The following PBX3 variants were observed in gnomAD, a reference collection of about 807,000 sequenced individuals.
PBX3 encodes pre-B-cell leukemia transcription factor 3.
Under a neutral mutation model 48.5 loss-of-function variants are expected in PBX3, and 14 were observed. The ratio of observed to expected loss-of-function variants is 0.29; its 90% CI spans 0.19 to 0.45. The LOEUF (loss-of-function observed/expected upper bound fraction) is 0.45. Ranked by LOEUF, PBX3 falls within the 20% of genes least tolerant of loss-of-function variation. PBX3 has a pLI of 1.00. For missense variants in PBX3, 386 were observed against 546.7 expected, an observed-to-expected ratio of 0.71 and a Z score of 2.93; for synonymous variants, 210 against 200.3, an observed-to-expected ratio of 1.05 and a Z score of -0.41.
At chr9:125,906,760 T>C (rs926705137) in intron 2 of PBX3, among the ~76,000 whole-genome samples, 1 of 152,042 alleles carries the variant, frequency 6.6e-6, no homozygotes, top group Non-Finnish European at 1.5e-5. Flanking sequence ...TATAGATATA[T>C]ATCATCATAT....
chr9:125,933,507 C>T (rs752561677), intron 4 of PBX3, among the ~76,000 whole-genome samples: 7 of 152,182 alleles, frequency 4.6e-5, no homozygotes, highest in Admixed American at 4.6e-4. Flanking sequence ...ATCCTCCTTT[C>T]ATACGTCGCT....
chr9:125,894,760 T>C (rs1298753549), intron 2 of PBX3, among the ~76,000 whole-genome samples: 1 of 152,098 alleles, frequency 6.6e-6, no homozygotes, highest in Non-Finnish European at 1.5e-5. Flanking sequence ...TCTGTCTTCT[T>C]ATAGTGTGCT....
At position 125,858,840 on chromosome 9, in the gene PBX3, G is replaced by T. The variant is rs188028347; in HGVS notation, c.275-56846G>T. On this transcript the variant is annotated intron_variant, in intron 2 of 8. Transcript: ENST00000373489. ...AGGGTTTCACCACGTTAGCCAGGCT[G>T]GTCTTGAACTCCGGATGTCAGGCAA... Among the ~76,000 whole-genome samples the T allele has an allele frequency of 6.0e-3, 914 of 152,156 alleles. 6 individuals are homozygous for T. The highest frequency in any genetic ancestry group is 0.017 in the Middle Eastern group (5 of 294).
chr9:125,927,105 C>T (rs1841594707), intron 3 of PBX3, among the ~76,000 whole-genome samples: 1 of 152,154 alleles, frequency 6.6e-6, no homozygotes. Flanking sequence ...TAAACCTATC[C>T]ATTGACTGCA....
intron 2 of PBX3, among the ~76,000 whole-genome samples, chr9:125,804,095 G>T (rs1170509936): frequency 1.3e-5 from 2 of 152,202 alleles, no homozygotes; most frequent in Non-Finnish European, 2.9e-5. Context: ...CATGTCAGTA[G>T]CCTACTCTCA....
chr9:125,937,001 C>T (rs1020608048), intron 5 of PBX3, among the ~76,000 whole-genome samples: 11 of 152,120 alleles, frequency 7.2e-5, no homozygotes, highest in Non-Finnish European at 1.5e-5. Flanking sequence ...TAGGTTCATG[C>T]CGAACACCGG....
chr9:125,768,786 T>C (rs979469466), intron 2 of PBX3, among the ~76,000 whole-genome samples: 1 of 152,194 alleles, frequency 6.6e-6, no homozygotes, highest in African/African-American at 2.4e-5. Flanking sequence ...TTTTTTTAAG[T>C]GCTGGGAAGA....
intron 2 of PBX3, among the ~76,000 whole-genome samples, chr9:125,776,960 G>C (rs560514975): frequency 2.6e-5 from 4 of 152,014 alleles, no homozygotes; most frequent in African/African-American, 9.6e-5. Context: ...CAAAGTGCTG[G>C]AATTACAGGC....
chr9:125,963,129 G>A, intron 8 of PBX3, 28 bp downstream of exon 8: 1 of 1,263,776 alleles, frequency 7.9e-7, no homozygotes, highest in South Asian at 1.3e-5. Flanking sequence ...TCAGCTGTAG[G>A]AGAACAGTGT....
At chr9:125,844,778 C>G (rs545158004) in intron 2 of PBX3, 1 of 152,192 alleles carries the variant, frequency 6.6e-6, no homozygotes, top group East Asian at 1.9e-4. Flanking sequence ...AAATGGAAAC[C>G]CTTTCCTGTA....
intron 5 of PBX3, among the ~76,000 whole-genome samples, chr9:125,936,470 A>G (rs1841838524): frequency 6.6e-6 from 1 of 152,224 alleles, no homozygotes; most frequent in South Asian, 2.1e-4. Context: ...ACGCTTGTCA[A>G]AAATTTCAGT....
intron 2 of PBX3, among the ~76,000 whole-genome samples, chr9:125,780,112 G>A (rs1352711368): frequency 7.2e-6 from 1 of 138,602 alleles, no homozygotes; most frequent in African/African-American, 2.7e-5. Flanking sequence ...TGGGCAGAGG[G>A]GCTCCTCACT....
intron 5 of PBX3, among the ~76,000 whole-genome samples, chr9:125,939,189 A>C (rs1156845755): frequency 1.3e-5 from 2 of 152,220 alleles, no homozygotes; most frequent in South Asian, 2.1e-4. Flanking sequence ...CACGCACTGC[A>C]AGAAGATATT....
intron 2 of PBX3, among the ~76,000 whole-genome samples, chr9:125,816,578 T>C (rs1416384060): frequency 2.6e-5 from 4 of 152,208 alleles, no homozygotes; most frequent in South Asian, 2.1e-4. Flanking sequence ...TTAGAGCGGC[T>C]AAGTAAGGGA....
rs367797120 is a variant in PBX3 at position 125,783,520 on chromosome 9, T to C, written c.274+34897T>C. Among the ~76,000 whole-genome samples, 13 of 152,194 alleles carry C rather than the reference T, an allele frequency of 8.5e-5. No individual in the cohort carries two copies. In the East Asian group the frequency reaches 1.2e-3, roughly 14 times the overall value. On this transcript the variant is annotated intron_variant, in intron 2 of 8. Transcript: ENST00000373489. ...CCAGGCTGGTTTCGAACTCCTGACC[T>C]CAAGTAATATGCCTGCCTCAGCCCC...
chr9:125,813,441 T>C (rs1838357022), intron 2 of PBX3, among the ~76,000 whole-genome samples: 1 of 152,240 alleles, frequency 6.6e-6, no homozygotes, highest in African/African-American at 2.4e-5. Flanking sequence ...AACATCATTA[T>C]GCAGTGTATA....
At chr9:125,875,739 C>T (rs938355353) in intron 2 of PBX3, among the ~76,000 whole-genome samples, 2 of 152,166 alleles carry the variant, frequency 1.3e-5, no homozygotes, top group Non-Finnish European at 2.9e-5. Flanking sequence ...TCCCCCCCAC[C>T]TGTAGGATGA....
At chr9:125,883,746 A>G (rs988857131) in intron 2 of PBX3, among the ~76,000 whole-genome samples, 1 of 152,226 alleles carries the variant, frequency 6.6e-6, no homozygotes, top group Non-Finnish European at 1.5e-5. Flanking sequence ...TGAGCACTGT[A>G]GAATAAAAAT....
intron 2 of PBX3, among the ~76,000 whole-genome samples, chr9:125,846,487 A>G (rs1305766658): frequency 6.6e-6 from 1 of 152,088 alleles, no homozygotes; most frequent in African/African-American, 2.4e-5. Flanking sequence ...AGATAAACAC[A>G]TGAAGATGGT....
Sources: allele counts gnomAD v4.1 joint callset (sites outside exome capture counted in the v4.1 genomes callset), GRCh38; gene constraint gnomAD v4.1.1; transcripts MANE v1.5; gene names NCBI Gene and HGNC (gene_info 2026-07-23, HGNC 2026-07-21).